Variants in ZNF257 observed in about 807,000 individuals in gnomAD.
ZNF257 encodes the protein zinc finger protein 257, also known as bone marrow zinc finger 4.
Under a neutral mutation model 11.9 loss-of-function variants are expected in ZNF257, and 12 were observed. That is an observed-to-expected ratio of 1.01 (90% CI 0.65 to 1.63). ZNF257 has a LOEUF of 1.63. ZNF257 is among the 40% of genes most tolerant of loss of function. The pLI is 0.00. For missense variants in ZNF257, 580 were observed against 665.5 expected (o/e 0.87, Z 1.41); for synonymous variants, 183 against 222.7 (o/e 0.82, Z 1.59).
rs1032981825 is a variant in ZNF257 at position 22,052,539 on chromosome 19, C to T, written c.-94C>T. On this transcript the variant is annotated 5_prime_UTR_variant, in exon 1 of 4. Coordinates refer to ENST00000594947, the MANE Select transcript of ZNF257 (RefSeq NM_033468.4). Reference sequence around the variant, plus strand: ...GGTCTCGTCTTCCCTGGTCTGTGTCCTCTTCTCCTAGGGGCCCAGCCTCTG... The same window carrying T: ...GGTCTCGTCTTCCCTGGTCTGTGTCTTCTTCTCCTAGGGGCCCAGCCTCTG... The T allele has an allele frequency of 1.6e-5, 24 of 1,482,964 alleles. No individual in the cohort carries two copies. The East Asian group carries it at 2.2e-4, about 13-fold the overall frequency. The allele number at this position is 1,482,964 out of a possible 1,614,324, so 91.9% of individuals were successfully genotyped here. A position where few individuals can be genotyped will look rare whatever the true frequency, so the allele number is the denominator to read the frequency against.
intron 3 of ZNF257, among the ~76,000 whole-genome samples, chr19:22,083,738 T>C (rs1033439021): frequency 2.6e-5 from 4 of 152,174 alleles, no homozygotes. Flanking sequence ...GTAACTTCTT[T>C]ATATATCTCA....
At chr19:22,071,550 A>AT (rs34323711) in intron 1 of ZNF257, among the ~76,000 whole-genome samples, 2 of 151,908 alleles carry the variant, frequency 1.3e-5, no homozygotes, top group African/African-American at 4.8e-5. Flanking sequence ...AATGCCATGC[A>AT]TTTTTACGTG....
intron 1 of ZNF257, among the ~76,000 whole-genome samples, chr19:22,067,496 C>A (rs959147461): frequency 4.6e-5 from 7 of 151,954 alleles, no homozygotes; most frequent in Admixed American, 1.3e-4. Flanking sequence ...AAACGTTTAT[C>A]TGAGGAATAC....
intron 1 of ZNF257, among the ~76,000 whole-genome samples, chr19:22,054,516 C>G (rs184251378): frequency 6.6e-6 from 1 of 152,148 alleles, no homozygotes; most frequent in Non-Finnish European, 1.5e-5. Flanking sequence ...TTCCCAAATG[C>G]CAGTTTTCCC....
chr19:22,087,630 A>C (rs774700940), intron 3 of ZNF257: 28 of 1,187,696 alleles, frequency 2.4e-5, no homozygotes, highest in Non-Finnish European at 3.0e-5. Flanking sequence ...TTTTAAATAG[A>C]AACAAGGAGT....
chr19:22,071,230 T>C (rs1171086494), intron 1 of ZNF257, among the ~76,000 whole-genome samples: 1 of 152,084 alleles, frequency 6.6e-6, no homozygotes, highest in Non-Finnish European at 1.5e-5. Context: ...GGAGGGCATC[T>C]GAGGACAGAA....
rs61743214 is a variant in ZNF257, at chr19:22,052,519, C to A, written c.-114C>A. 1.6e-3 allele frequency: 2,049 copies of A among 1,311,658 alleles called. 20 individuals are homozygous for A. In the African/African-American group the frequency reaches 0.026, roughly 17 times the overall value. The allele number at this position is 1,311,658 out of a possible 1,614,324, so 81.3% of individuals were successfully genotyped here. A position where few individuals can be genotyped will look rare whatever the true frequency, so the allele number is the denominator to read the frequency against. On this transcript the variant is annotated 5_prime_UTR_variant, in exon 1 of 4. Transcript: ENST00000594947. ...TCGCTCTAGCCCGAGCTGCAGGTCT[C>A]GTCTTCCCTGGTCTGTGTCCTCTTC...
chr19:22,080,529 C>G (rs1443763567), intron 3 of ZNF257, among the ~76,000 whole-genome samples: 1 of 152,038 alleles, frequency 6.6e-6, no homozygotes. Flanking sequence ...GAGACCCTCA[C>G]CAGAAGCAGA....
At chr19:22,087,543 T>C in intron 3 of ZNF257, 21 of 1,229,168 alleles carry the variant, frequency 1.7e-5, no homozygotes, top group Non-Finnish European at 2.1e-5. Flanking sequence ...TTTTATTTAA[T>C]GGGAGAATGA....
At chr19:22,087,902 T>C (rs1418424549) in intron 3 of ZNF257, 75 bp from the exon 4 acceptor site, 1 of 1,347,798 alleles carries the variant, frequency 7.4e-7, no homozygotes, top group African/African-American at 1.5e-5. Flanking sequence ...ATATACAGTT[T>C]TATAGGTTAG....
intron 3 of ZNF257, among the ~76,000 whole-genome samples, chr19:22,082,790 T>C (rs1323671928): frequency 1.3e-5 from 2 of 152,304 alleles, no homozygotes; most frequent in African/African-American, 2.4e-5. Context: ...TTTTGTATTA[T>C]ATATTTTAGA....
intron 1 of ZNF257, among the ~76,000 whole-genome samples, chr19:22,058,440 G>A (rs1007071987): frequency 3.9e-5 from 6 of 152,128 alleles, no homozygotes; most frequent in Non-Finnish European, 8.8e-5. Flanking sequence ...TAGCTCAGGA[G>A]CATAGATGGG....
chr19:22,076,484 A>C (rs988298014), intron 3 of ZNF257, among the ~76,000 whole-genome samples: 2 of 152,042 alleles, frequency 1.3e-5, no homozygotes, highest in Admixed American at 6.6e-5. Context: ...ATTATTCTGC[A>C]TTATCTCTAA....
At chr19:22,078,792 C>CTTTTTTT (rs376822565) in intron 3 of ZNF257, among the ~76,000 whole-genome samples, 2 of 133,012 alleles carry the variant, frequency 1.5e-5, no homozygotes, top group African/African-American at 5.6e-5. Context: ...TTCTTTCTTT[C>CTTTTTTT]TTTTTTTTTT....
chr19:22,056,915 A>G (rs8110289), intron 1 of ZNF257, among the ~76,000 whole-genome samples: 20,050 of 152,214 alleles, frequency 0.13, 1,495 homozygotes, highest in Middle Eastern at 0.2. Flanking sequence ...AAATGAATAC[A>G]TTTCCACAAG....
Position 22,089,107 on chromosome 19 carries a change from C to T in ZNF257, c.1357C>T (p.His453Tyr). 1.9e-6 allele frequency: 3 copies of T among 1,613,814 alleles called. No homozygotes were observed. Among genetic ancestry groups the T allele is most frequent in the Non-Finnish European group, 2.5e-6 (3 of 1,179,912 alleles). Residue 453 changes from histidine (H) to tyrosine (Y), a missense_variant, in exon 4 of 4, where the codon CAT (histidine) becomes TAT (tyrosine). Transcript: ENST00000594947. ...SSYLIRHKII[H>Y]TGEKPYKCEE... ...ATACCTTATTCGACATAAGATAATT[C>T]ATACTGGAGAGAAACCCTACAAATG... is the stretch of plus-strand genomic sequence containing the variant.
At chr19:22,072,992 T>TA in intron 2 of ZNF257, 57 bp downstream of exon 2, 1 of 1,430,036 alleles carries the variant, frequency 7.0e-7, no homozygotes, top group Non-Finnish European at 9.1e-7. Flanking sequence ...TATTTTTTAT[T>TA]TATTTTTTTT....
chr19:22,089,811 A>G lies in ZNF257; in HGVS notation c.*369A>G. On this transcript the variant is annotated 3_prime_UTR_variant, in exon 4 of 4. Coordinates refer to ENST00000594947, the MANE Select transcript of ZNF257 (RefSeq NM_033468.4). ...GTGTGAAGAATGTCACAAAGCCCTT[A>G]ATAAGTCCTCAATTCTTAACAGATA... The G allele has an allele frequency of 3.6e-6, 1 of 276,780 alleles. No homozygotes were observed. The highest frequency in any genetic ancestry group is 7.0e-6 in the Non-Finnish European group (1 of 142,530). The allele number at this position is 276,780 out of a possible 1,614,324, so 17.1% of individuals were successfully genotyped here. A position where few individuals can be genotyped will look rare whatever the true frequency, so the allele number is the denominator to read the frequency against.
At chr19:22,087,007 T>A (rs1381488034) in intron 3 of ZNF257, among the ~76,000 whole-genome samples, 21 of 152,002 alleles carry the variant, frequency 1.4e-4, no homozygotes, top group Non-Finnish European at 1.9e-4. Context: ...CCACAATTAC[T>A]GTTTTTAAAA....
Sources: gnomAD v4.1 joint callset for allele counts (sites outside exome capture counted in the v4.1 genomes callset) on GRCh38, gnomAD v4.1.1 for gene constraint, MANE v1.5 for transcripts, NCBI Gene and HGNC (gene_info 2026-07-23, HGNC 2026-07-21) for gene names.